Variants in ADAMTSL5 observed in about 807,000 individuals in gnomAD.
The protein encoded by ADAMTSL5 is ADAMTS like 5.
A neutral mutation model predicts 51.7 loss-of-function variants in ADAMTSL5; 53 were observed. The observed-to-expected ratio is 1.03, with a 90% CI of 0.82 to 1.29. ADAMTSL5 has a LOEUF of 1.29. Among genes scored for constraint, ADAMTSL5 ranks in the 50% most tolerant of loss-of-function variants. The pLI, the probability that ADAMTSL5 is intolerant of heterozygous loss-of-function variation, is 0.00. For synonymous variants in ADAMTSL5, 285 were observed against 278.7 expected (o/e 1.02, Z -0.23); for missense variants, 770 against 676.2 (o/e 1.14, Z -1.54).
rs112658390 is a variant in ADAMTSL5 at position 1,506,633 on chromosome 19, G to A, written c.1071C>T (p.Arg357=). ...PDPCPPCPDT[R]GRAHRLLHYC... ...AGTGGAGTAGTCGGTGGGCGCGGCC[G>A]CGGGTGTCAGGGCAGGGTGGGCAGG... The change falls in exon 11 of 12, where the codon CGC becomes CGT. Residue 357 remains arginine (R), a synonymous_variant. Coordinates refer to ENST00000330475, the MANE Select transcript of ADAMTSL5 (RefSeq NM_213604.3). This position sits in a 1 kb window ranked among gnomAD's most constrained non-coding sequence, Gnocchi z 5.6. 168 of 1,610,778 alleles carry A rather than the reference G, an allele frequency of 1.0e-4. 1 individual carries two copies. In the African/African-American group the frequency reaches 1.1e-3, roughly 11 times the overall value.
Position 1,506,698 on chromosome 19 carries a change from C to G in ADAMTSL5, c.1043-37G>C. On this transcript the variant is annotated intron_variant, in intron 10 of 11. Transcript: ENST00000330475. This position sits in a 1 kb window ranked among gnomAD's most constrained non-coding sequence, Gnocchi z 5.6. Reference sequence around the variant, plus strand: ...GCGGTGCTGTGAGGGGCACAGGCCTCAGTCCCCACTCATCCCCCACCCTGG... The same window carrying G: ...GCGGTGCTGTGAGGGGCACAGGCCTGAGTCCCCACTCATCCCCCACCCTGG... 4.5e-6 allele frequency: 7 copies of G among 1,565,196 alleles called. No homozygotes were observed. Among genetic ancestry groups the G allele is most frequent in the Non-Finnish European group, 6.1e-6 (7 of 1,155,928 alleles).
Position 1,506,645 on chromosome 19 carries a change from G to T in ADAMTSL5, c.1059C>A (p.Cys353Ter). Residue 353 changes from cysteine (C) to a stop codon, truncating the protein, a stop_gained, in exon 11 of 12, where the codon TGC (cysteine) becomes TGA (stop). Transcript: ENST00000330475. LOFTEE classifies it high-confidence loss of function. The surrounding 1 kb of genome is among the most constrained non-coding windows in gnomAD (Gnocchi z 5.6). ...PTLAPDPCPPCPDTRGRAHRL... is the reference protein window; with the variant it reads ...PTLAPDPCPP ...GGTGGGCGCGGCCGCGGGTGTCAGGGCAGGGTGGGCAGGGGTCTGTGGGAT... is the reference window on the plus strand; with the variant it reads ...GGTGGGCGCGGCCGCGGGTGTCAGGTCAGGGTGGGCAGGGGTCTGTGGGAT... The T allele has an allele frequency of 6.2e-7, 1 of 1,608,258 alleles. No individual in the cohort carries two copies. The highest frequency in any genetic ancestry group is 8.5e-7 in the Non-Finnish European group (1 of 1,177,934).
intron 7 of ADAMTSL5, 57 bp downstream of exon 7, chr19:1,507,941 G>A: frequency 2.0e-6 from 3 of 1,515,676 alleles, no homozygotes; most frequent in East Asian, 2.5e-5. Context: ...TCCGGGCCAC[G>A]GCTCGTTAAA....
intron 1 of ADAMTSL5, chr19:1,511,588 G>A (rs576425664): frequency 1.6e-6 from 2 of 1,261,292 alleles, no homozygotes; most frequent in East Asian, 1.1e-4. Context: ...TAGGGCTGGG[G>A]CCCCCTCCCC....
chr19:1,510,892 GC>G lies in ADAMTSL5; in HGVS notation c.51del (p.Leu18SerfsTer7). 6.6e-7 allele frequency: 1 copy of G among 1,524,344 alleles called. No individual in the cohort carries two copies. Among genetic ancestry groups the G allele is most frequent in the Non-Finnish European group, 8.7e-7 (1 of 1,144,502 alleles). The allele number at this position is 1,524,344 out of a possible 1,614,324, so 94.4% of individuals were successfully genotyped here. ...CAGTTCAGCAGGGCCCACAGGAAGA[GC>G]AGGAGGTTCTGGAAGAGGTGGGGCC... is the stretch of plus-strand genomic sequence containing the variant. The part of the protein sequence containing the change: ...FPRPHLFQNL[L>X]LFLWALLNCG... On this transcript the variant is annotated frameshift_variant, in exon 2 of 12. Coordinates refer to ENST00000330475, the MANE Select transcript of ADAMTSL5 (RefSeq NM_213604.3). LOFTEE classifies it high-confidence loss of function.
In ADAMTSL5 at chr19:1,510,171, G is replaced by C. The variant is rs1345359503; in HGVS notation, c.340C>G (p.Gln114Glu). 3.7e-6 allele frequency: 6 copies of C among 1,612,348 alleles called. No homozygotes were observed. ...RPVLGTQKTY[Q>E]WVPFHGAPNQ... The stretch of plus-strand genomic sequence containing the variant: ...TCACCCCCATGGAAGGGCACCCACT[G>C]GTAGGTCTTCTGGGTGCCCAGGACA... The change falls in exon 5 of 12, where the codon CAG becomes GAG. Residue 114 changes from glutamine (Q) to glutamate (E), a missense_variant. Gln to Glu is a conservative substitution (Grantham distance 29, BLOSUM62 2). Coordinates refer to ENST00000330475, the MANE Select transcript of ADAMTSL5 (RefSeq NM_213604.3).
chr19:1,509,378 G>C (rs933532196), intron 5 of ADAMTSL5, among the ~76,000 whole-genome samples: 1 of 152,002 alleles, frequency 6.6e-6, no homozygotes, highest in Non-Finnish European at 1.5e-5. Flanking sequence ...CTGTGTCGCT[G>C]GTCCTCCCTG....
At chr19:1,509,647 A>AAG in intron 5 of ADAMTSL5, among the ~76,000 whole-genome samples, 2 of 80,912 alleles carry the variant, frequency 2.5e-5, no homozygotes, top group East Asian at 6.3e-4. Context: ...GGAGGGAGGG[A>AAG]GGAAGGAAGG....
chr19:1,506,540 G>A lies in ADAMTSL5; in HGVS notation c.1114+50C>T. 1 of 1,583,334 alleles carries A rather than the reference G, an allele frequency of 6.3e-7. No individual in the cohort carries two copies. Among genetic ancestry groups the A allele is most frequent in the Non-Finnish European group, 8.6e-7 (1 of 1,161,368 alleles). ...GTCAGATTAGGGTCAGAGGTCAGGA[G>A]GAGGCCAGGTTAGTAGGGGCTAAGT... On this transcript the variant is annotated intron_variant, in intron 11 of 11. Transcript: ENST00000330475. The surrounding 1 kb of genome is among the most constrained non-coding windows in gnomAD (Gnocchi z 5.6).
chr19:1,507,834 G>T (rs1442647546), intron 7 of ADAMTSL5, among the ~76,000 whole-genome samples, 164 bp downstream of exon 7: 2 of 152,132 alleles, frequency 1.3e-5, no homozygotes, highest in South Asian at 2.1e-4. Flanking sequence ...AACCCCATCT[G>T]TCCTGGGGAA....
At chr19:1,508,395 C>A in intron 6 of ADAMTSL5, 48 bp downstream of exon 6, 4 of 1,276,024 alleles carry the variant, frequency 3.1e-6, no homozygotes, top group Non-Finnish European at 4.0e-6. Context: ...TGGGTGGGGC[C>A]TGAGTGGGAG....
rs1369080423 is a variant in ADAMTSL5, at chr19:1,507,600, G to A, written c.645C>T (p.Gly215=). 1.9e-6 allele frequency: 3 copies of A among 1,613,428 alleles called. No homozygotes were observed. Among genetic ancestry groups the A allele is most frequent in the Middle Eastern group, 1.6e-4 (1 of 6,062 alleles). Residue 215 remains glycine, a synonymous_variant, in exon 8 of 12, where the codon GGC becomes GGT. Transcript: ENST00000330475. ...TGTGTTCCACGCGGATGTGTCTGGC[G>A]CCCTCGGGGATCAGGGTCACGTTCC... ...GYWNVTLIPE[G]ARHIRVEHRS... is the part of the protein sequence containing the mutation.
At chr19:1,509,058 A>G (rs1243577252) in intron 5 of ADAMTSL5, 1 of 152,140 alleles carries the variant, frequency 6.6e-6, no homozygotes, top group African/African-American at 2.4e-5. Flanking sequence ...CAGCCTGGGC[A>G]ACATGGCGAG....
At position 1,510,744 on chromosome 19, in the gene ADAMTSL5, C is replaced by T; in HGVS notation, c.100-14G>A. The T allele has an allele frequency of 1.3e-6, 2 of 1,528,734 alleles. No individual in the cohort carries two copies. Among genetic ancestry groups the T allele is most frequent in the Non-Finnish European group, 1.8e-6 (2 of 1,134,648 alleles). The allele number at this position is 1,528,734 out of a possible 1,614,324, so 94.7% of individuals were successfully genotyped here. On this transcript the variant is annotated splice_polypyrimidine_tract_variant and intron_variant, in intron 2 of 11. Transcript: ENST00000330475. ...CTCGCCCGGACCCTACTTGGGGAGA[C>T]AGAGGCACGGTCAGCCTTGTAGGGG...
Position 1,507,324 on chromosome 19 carries a change from G to A in ADAMTSL5, c.770C>T (p.Thr257Met), listed in dbSNP as rs779481294. The A allele has an allele frequency of 4.3e-5, 68 of 1,595,452 alleles. No homozygotes were observed. The highest frequency in any genetic ancestry group is 7.9e-5 in the South Asian group (7 of 88,820). Residue 257 changes from threonine (T) to methionine (M), a missense_variant, in exon 9 of 12, where the codon ACG (threonine) becomes ATG (methionine). Physicochemically the swap from Thr to Met is moderately conservative, Grantham distance 81. Transcript: ENST00000330475. ...TGTGTCTCGGGTGTAGACCACATGC[G>A]TGCCGGCCGCCTCGTAGGTCCCTGG... ...SPPGTYEAAG[T>M]HVVYTRDTGP...
chr19:1,508,780 C>G, intron 5 of ADAMTSL5: 1 of 426,700 alleles, frequency 2.3e-6, no homozygotes, highest in South Asian at 4.6e-5. Flanking sequence ...CCTGGGGCTG[C>G]ATTCATTCAT....
In ADAMTSL5 at chr19:1,510,361, G is replaced by A. The variant is rs1913194449; in HGVS notation, c.252+7C>T. 1.2e-6 allele frequency: 2 copies of A among 1,613,636 alleles called. No homozygotes were observed. The highest frequency in any genetic ancestry group is 2.2e-5 in the East Asian group (1 of 44,902). On this transcript the variant is annotated splice_region_variant and intron_variant, in intron 4 of 11. Coordinates refer to ENST00000330475, the MANE Select transcript of ADAMTSL5 (RefSeq NM_213604.3). Reference sequence around the variant, plus strand: ...GGAGAGTGGTCTGGGAGGTGGGCAGGGCTTACTGGCAACTGGCAGAGGCGG... The same window carrying A: ...GGAGAGTGGTCTGGGAGGTGGGCAGAGCTTACTGGCAACTGGCAGAGGCGG...
chr19:1,506,048 G>T lies in ADAMTSL5; in HGVS notation c.1383C>A (p.Arg461=). 6.3e-7 allele frequency: 1 copy of T among 1,588,586 alleles called. No individual in the cohort carries two copies. The highest frequency in any genetic ancestry group is 8.5e-7 in the Non-Finnish European group (1 of 1,173,484). ...ARPWSPAEDS[R]IRLTARRCPG is the part of the protein sequence containing the mutation. ...GACAGCGCCGGGCAGTCAGGCGTAT[G>T]CGGCTGTCCTCCGCAGGGCTCCAGG... Residue 461 remains arginine, a synonymous_variant, in exon 12 of 12, where the codon CGC becomes CGA. Transcript: ENST00000330475. The surrounding 1 kb of genome is among the most constrained non-coding windows in gnomAD (Gnocchi z 5.6).
At chr19:1,510,301 A>T in intron 4 of ADAMTSL5, 43 bp from the exon 5 acceptor site, 1 of 1,612,860 alleles carries the variant, frequency 6.2e-7, no homozygotes, top group Non-Finnish European at 8.5e-7. Context: ...GACAACCCCA[A>T]GGGGCAGGTG....
Sources: gnomAD v4.1 joint callset for allele counts (sites outside exome capture counted in the v4.1 genomes callset) on GRCh38, gnomAD v4.1.1 for gene constraint, Gnocchi (gnomAD v3.1) non-coding constraint, MANE v1.5 for transcripts, NCBI Gene and HGNC (gene_info 2026-07-23, HGNC 2026-07-21) for gene names.